BBS9: variants seen among roughly 807,000 people sequenced by gnomAD.
BBS9 encodes Bardet-Biedl syndrome 9.
BBS9 carries 89 observed loss-of-function variants against 117.7 expected under a neutral mutation model. That is an observed-to-expected ratio of 0.76 (90% CI 0.64 to 0.90). The LOEUF (loss-of-function observed/expected upper bound fraction) is 0.90. Ranked by LOEUF, BBS9 falls within the 40% of genes least tolerant of loss-of-function variation. BBS9 has a pLI of 0.00. For synonymous variants in BBS9, 379 were observed against 370.9 expected (o/e 1.02, Z -0.25); for missense variants, 982 against 1,042.2 (o/e 0.94, Z 0.80).
chr7:33,377,814 G>A (rs1824174382), intron 17 of BBS9, among the ~76,000 whole-genome samples: 1 of 151,966 alleles, frequency 6.6e-6, no homozygotes, highest in Non-Finnish European at 1.5e-5. Context: ...TCCTGATTCG[G>A]CTCTTGGCTT....
intron 19 of BBS9, among the ~76,000 whole-genome samples, chr7:33,454,637 G>C (rs751948065): frequency 6.6e-6 from 1 of 152,268 alleles, no homozygotes; most frequent in East Asian, 1.9e-4. Context: ...GATTCATTTC[G>C]AGACCTGGGG....
Position 33,209,739 on chromosome 7 carries a change from G to C in BBS9, c.442+32148G>C, listed in dbSNP as rs567707604. Among the ~76,000 whole-genome samples, 8 of 152,152 alleles carry C rather than the reference G, an allele frequency of 5.3e-5. No individual in the cohort carries two copies. The South Asian group carries it at 1.7e-3, about 32-fold the overall frequency. ...TAATTTATGCATTGTCTGTTGTAAA[G>C]TCTCCTTTTTCCTCTCTGATTTTAT... On this transcript the variant is annotated intron_variant, in intron 5 of 22. Transcript: ENST00000242067.
chr7:33,372,316 A>G (rs1563079315), intron 17 of BBS9, among the ~76,000 whole-genome samples: 1 of 152,196 alleles, frequency 6.6e-6, no homozygotes, highest in Non-Finnish European at 1.5e-5. Context: ...GTATTGAGGT[A>G]CATTCCTTGT....
chr7:33,441,680 C>G (rs1472903686), intron 19 of BBS9, among the ~76,000 whole-genome samples: 2 of 151,930 alleles, frequency 1.3e-5, no homozygotes, highest in Non-Finnish European at 2.9e-5. Flanking sequence ...GGTTGTTAAC[C>G]CATTTAATTG....
At chr7:33,348,819 T>C (rs1331108577) in intron 12 of BBS9, among the ~76,000 whole-genome samples, 4 of 152,198 alleles carry the variant, frequency 2.6e-5, no homozygotes, top group Admixed American at 2.6e-4. Context: ...ACTAAGGATA[T>C]TGAGCATCTT....
intron 20 of BBS9, among the ~76,000 whole-genome samples, chr7:33,518,279 T>TC (rs560870517): frequency 1.7e-3 from 219 of 132,066 alleles, no homozygotes; most frequent in African/African-American, 6.2e-3. Context: ...TGAGATGGAG[T>TC]CCCACCCTGT....
At chr7:33,474,664 C>G (rs1841548204) in intron 19 of BBS9, among the ~76,000 whole-genome samples, 1 of 152,066 alleles carries the variant, frequency 6.6e-6, no homozygotes, top group South Asian at 2.1e-4. Flanking sequence ...ATAAGGAATG[C>G]TGGCTGGGCG....
At chr7:33,521,069 G>T (rs919970923) in intron 20 of BBS9, among the ~76,000 whole-genome samples, 43 of 152,246 alleles carry the variant, frequency 2.8e-4, no homozygotes, top group African/African-American at 1.0e-3. Context: ...TTAATGCTTA[G>T]TCAAGGTGAC....
intron 19 of BBS9, among the ~76,000 whole-genome samples, chr7:33,467,136 G>C (rs1840294937): frequency 6.6e-6 from 1 of 152,164 alleles, no homozygotes; most frequent in Admixed American, 6.6e-5. Context: ...GGCGGAGGCT[G>C]TGATTAAAGA....
intron 19 of BBS9, among the ~76,000 whole-genome samples, chr7:33,395,840 T>G (rs1281196836): frequency 6.6e-6 from 1 of 152,140 alleles, no homozygotes; most frequent in Non-Finnish European, 1.5e-5. Flanking sequence ...GAATATATAA[T>G]GAAACCATTC....
intron 21 of BBS9, among the ~76,000 whole-genome samples, chr7:33,621,501 C>T (rs1046669465): frequency 1.3e-5 from 2 of 152,098 alleles, no homozygotes; most frequent in African/African-American, 4.8e-5. Context: ...TCACCTCACA[C>T]CTTTTAGAAT....
In BBS9 at chr7:33,148,795, A is replaced by G. The variant is rs182551892; in HGVS notation, c.112+2431A>G. 8.4e-3 allele frequency among the ~76,000 whole-genome samples: 1,224 copies of G among 145,062 alleles called. 22 individuals carry two copies. The highest frequency in any genetic ancestry group is 0.031 in the African/African-American group (1,188 of 38,696). On this transcript the variant is annotated intron_variant, in intron 2 of 22. Transcript: ENST00000242067. ...CCATGCCTGGCTAATTTTTATTTTT[A>G]TTTTTTTTGTACAGACAGTGTCTCC... is the stretch of plus-strand genomic sequence containing the variant.
intron 19 of BBS9, among the ~76,000 whole-genome samples, chr7:33,461,094 C>T (rs1839403445): frequency 6.6e-6 from 1 of 151,918 alleles, no homozygotes; most frequent in Non-Finnish European, 1.5e-5. Context: ...GTATAATAGT[C>T]CATTATGTGG....
intron 5 of BBS9, among the ~76,000 whole-genome samples, chr7:33,199,039 AG>A (rs1178978957): frequency 6.6e-6 from 1 of 151,988 alleles, no homozygotes; most frequent in East Asian, 1.9e-4. Flanking sequence ...CAGCAGTATT[AG>A]GCTATTCTTG....
chr7:33,362,183 T>C (rs907533629), intron 16 of BBS9, among the ~76,000 whole-genome samples: 24 of 152,208 alleles, frequency 1.6e-4, no homozygotes, highest in African/African-American at 5.5e-4. Context: ...TTATTTGATA[T>C]GTGATTTGCA....
chr7:33,207,963 A>T (rs1041091477), intron 5 of BBS9, among the ~76,000 whole-genome samples: 4 of 151,964 alleles, frequency 2.6e-5, no homozygotes, highest in Non-Finnish European at 4.4e-5. Context: ...GTGCGCCACC[A>T]TGCCTGGCTT....
chr7:33,568,294 T>C (rs78730674), intron 21 of BBS9, among the ~76,000 whole-genome samples: 3,748 of 152,158 alleles, frequency 0.025, 75 homozygotes, highest in East Asian at 0.086. Flanking sequence ...TTGGTGAGTT[T>C]CTAATTGACT....
intron 20 of BBS9, among the ~76,000 whole-genome samples, chr7:33,515,414 G>C (rs1847605149): frequency 6.6e-6 from 1 of 152,122 alleles, no homozygotes; most frequent in African/African-American, 2.4e-5. Context: ...AACGAGCATT[G>C]TTGATGCGGC....
intron 19 of BBS9, among the ~76,000 whole-genome samples, chr7:33,503,659 C>A (rs1845759406): frequency 6.6e-6 from 1 of 152,086 alleles, no homozygotes; most frequent in Non-Finnish European, 1.5e-5. Context: ...TGACCTTGAT[C>A]CTTGTATGAT....
Sources: gnomAD v4.1 joint callset for allele counts (sites outside exome capture counted in the v4.1 genomes callset) on GRCh38, gnomAD v4.1.1 for gene constraint, MANE v1.5 for transcripts, NCBI Gene and HGNC (gene_info 2026-07-23, HGNC 2026-07-21) for gene names.